Variants in PHEX observed in about 807,000 individuals in gnomAD.
The protein encoded by PHEX is phosphate regulating endopeptidase X-linked.
PHEX carries 16 observed loss-of-function variants against 68.0 expected under a neutral mutation model. The ratio of observed to expected loss-of-function variants is 0.24; its 90% CI spans 0.16 to 0.36. PHEX has a LOEUF of 0.36. Among genes scored for constraint, PHEX ranks in the 10% least tolerant of loss-of-function variants. The pLI is 1.00. For missense variants in PHEX, 480 were observed against 575.5 expected, an observed-to-expected ratio of 0.83 and a Z score of 1.70; for synonymous variants, 208 against 205.1, an observed-to-expected ratio of 1.01 and a Z score of -0.12.
rs1157170753 is a variant in PHEX, at chrX:22,118,339, CAAAAAAA to C, written c.1302+3773_1302+3779del. ...TGATTCATTTGTTTGTAAACAGCAC[CAAAAAAA>C]AAAAAAAAAAAAAAAAAAAGCCTCG... On this transcript the variant is annotated intron_variant, in intron 11 of 21. Transcript: ENST00000379374. Among the ~76,000 whole-genome samples the C allele has an allele frequency of 5.7e-3, 120 of 21,111 alleles. 1 individual carries two copies. Among genetic ancestry groups the C allele is most frequent in the Non-Finnish European group, 8.2e-3 (96 of 11,694 alleles). The allele number at this position is 21,111 out of a possible 115,157, so 18.3% of individuals were successfully genotyped here.
intron 2 of PHEX, 113 bp from the exon 3 acceptor site, chrX:22,046,937 A>T (rs973173055): frequency 4.5e-5 from 29 of 642,845 alleles, no homozygotes; most frequent in Non-Finnish European, 6.6e-5. Flanking sequence ...AAGGGGAAAT[A>T]TAAATGCCAA....
chrX:22,061,660 A>G (rs1357072299), intron 3 of PHEX, among the ~76,000 whole-genome samples: 1 of 111,485 alleles, frequency 9.0e-6, no homozygotes, highest in African/African-American at 3.3e-5. Flanking sequence ...TTTACAGATG[A>G]GAAGACAGAG....
At chrX:22,182,870 A>G (rs143001702) in intron 14 of PHEX, among the ~76,000 whole-genome samples, 2,000 of 112,117 alleles carry the variant, frequency 0.018, 49 homozygotes, top group African/African-American at 0.061. Context: ...CAAAAAGGCC[A>G]TAGTGCCTGC....
chrX:22,208,961 C>T (rs968978195), intron 15 of PHEX, among the ~76,000 whole-genome samples: 37 of 111,768 alleles, frequency 3.3e-4, no homozygotes, highest in African/African-American at 9.8e-4. Context: ...AATGATAGTG[C>T]GGTTTTATAC....
At chrX:22,208,040 C>T (rs1934767023) in intron 15 of PHEX, among the ~76,000 whole-genome samples, 1 of 102,474 alleles carries the variant, frequency 9.8e-6, no homozygotes, top group Non-Finnish European at 2.0e-5. Flanking sequence ...TCCCCTAGCC[C>T]CCCACCCCCC....
rs1361815010 is a variant in PHEX at position 22,099,056 on chromosome X, C to T, written c.984C>T (p.Pro328=). Residue 328 remains proline, a synonymous_variant, in exon 9 of 22, where the codon CCC becomes CCT. Coordinates refer to ENST00000379374, the MANE Select transcript of PHEX (RefSeq NM_000444.6). Reference sequence around the variant, plus strand: ...AGGTCATTGACACCAGACTCTACCCCCATCTGAAAGACATCAGCCCCTCCG... The same window carrying T: ...AGGTCATTGACACCAGACTCTACCCTCATCTGAAAGACATCAGCCCCTCCG... ...IKKVIDTRLY[P]HLKDISPSEN... is the part of the protein sequence containing the mutation. 2.5e-6 allele frequency: 3 copies of T among 1,208,543 alleles called. No individual in the cohort carries two copies. Among genetic ancestry groups the T allele is most frequent in the Non-Finnish European group, 3.4e-6 (3 of 892,690 alleles).
intron 15 of PHEX, among the ~76,000 whole-genome samples, chrX:22,205,651 A>C (rs893453041): frequency 1.9e-5 from 2 of 105,239 alleles, no homozygotes; most frequent in African/African-American, 3.5e-5. Context: ...ATTAATATTA[A>C]ATTATTAATT....
chrX:22,199,979 C>G (rs1022812855), intron 15 of PHEX, among the ~76,000 whole-genome samples: 1 of 111,581 alleles, frequency 9.0e-6, no homozygotes, highest in African/African-American at 3.3e-5. Context: ...CTGTACTTTT[C>G]TAACTTTTCC....
intron 3 of PHEX, among the ~76,000 whole-genome samples, chrX:22,065,528 C>T (rs984244700): frequency 8.1e-5 from 9 of 111,336 alleles, no homozygotes; most frequent in African/African-American, 2.6e-4. Flanking sequence ...CTGGTTCAAG[C>T]GATTCTCCTG....
At chrX:22,247,587 A>C (rs149565099) in intron 21 of PHEX, among the ~76,000 whole-genome samples, 396 of 112,419 alleles carry the variant, frequency 3.5e-3, no homozygotes, top group Middle Eastern at 0.018. Context: ...AAAAACTAAT[A>C]TTGGTGATGA....
intron 9 of PHEX, among the ~76,000 whole-genome samples, chrX:22,108,942 C>CAAAA (rs34267547): frequency 6.8e-5 from 5 of 73,385 alleles, no homozygotes; most frequent in African/African-American, 1.8e-4. Context: ...ACTCCATCTT[C>CAAAA]AAAAAAAAAA....
At chrX:22,186,372 C>G (rs921701499) in intron 14 of PHEX, among the ~76,000 whole-genome samples, 2 of 112,195 alleles carry the variant, frequency 1.8e-5, no homozygotes, top group Non-Finnish European at 3.8e-5. Context: ...AAGTGAGTCA[C>G]TAAGGCTAAC....
chrX:22,161,573 A>G (rs1253823558), intron 12 of PHEX, among the ~76,000 whole-genome samples: 1 of 112,487 alleles, frequency 8.9e-6, no homozygotes, highest in African/African-American at 3.2e-5. Context: ...GACATTGATC[A>G]TAGTGGGTTT....
intron 12 of PHEX, among the ~76,000 whole-genome samples, chrX:22,156,858 GT>G (rs1693119817): frequency 1.8e-5 from 2 of 110,232 alleles, no homozygotes; most frequent in Non-Finnish European, 1.9e-5. Flanking sequence ...CTTCTGCCCA[GT>G]TTCTTTTCAT....
chrX:22,213,066 A>G (rs914559366), intron 16 of PHEX, 108 bp downstream of exon 16: 48 of 657,003 alleles, frequency 7.3e-5, no homozygotes, highest in Non-Finnish European at 1.1e-4. Context: ...GAAAGAAGCC[A>G]TGGAATCTGG....
At chrX:22,116,183 T>C (rs771447619) in intron 11 of PHEX, among the ~76,000 whole-genome samples, 1 of 112,003 alleles carries the variant, frequency 8.9e-6, no homozygotes, top group South Asian at 3.7e-4. Context: ...TTCATTATGG[T>C]TTGATTTGCA....
intron 14 of PHEX, among the ~76,000 whole-genome samples, chrX:22,186,589 A>G (rs920540522): frequency 4.4e-5 from 5 of 112,758 alleles, no homozygotes; most frequent in Non-Finnish European, 9.4e-5. Context: ...TAGAAGAAAT[A>G]ACAGCATCAA....
chrX:22,109,236 T>C (rs780738434), intron 9 of PHEX, among the ~76,000 whole-genome samples: 3 of 112,059 alleles, frequency 2.7e-5, no homozygotes, highest in African/African-American at 3.2e-5. Context: ...AGACATGTCA[T>C]ACATTTTTGA....
At chrX:22,245,549 C>T (rs1936367859) in intron 21 of PHEX, 140 bp downstream of exon 21, 1 of 519,160 alleles carries the variant, frequency 1.9e-6, no homozygotes, top group Non-Finnish European at 3.5e-6. Context: ...CATTTTGCAG[C>T]CAAAAAATAT....
Sources: allele counts gnomAD v4.1 joint callset (sites outside exome capture counted in the v4.1 genomes callset), GRCh38; gene constraint gnomAD v4.1.1; transcripts MANE v1.5; gene names NCBI Gene and HGNC (gene_info 2026-07-23, HGNC 2026-07-21).